PRKG1: variants seen among roughly 807,000 people sequenced by gnomAD.
The protein encoded by PRKG1 is protein kinase cGMP-dependent 1.
In PRKG1, 35 loss-of-function variants were observed where a neutral mutation model predicts 88.1. The observed-to-expected ratio is 0.40, with a 90% CI of 0.30 to 0.53. The LOEUF (loss-of-function observed/expected upper bound fraction) is 0.53. Among genes scored for constraint, PRKG1 ranks in the 20% least tolerant of loss-of-function variants. The probability of loss-of-function intolerance (pLI) is 0.59; values close to 1 mark genes in which losing one functional copy is unlikely to be tolerated. For missense variants in PRKG1, 540 were observed against 839.8 expected, an observed-to-expected ratio of 0.64 and a Z score of 4.41; for synonymous variants, 303 against 292.5, an observed-to-expected ratio of 1.04 and a Z score of -0.37.
intron 5 of PRKG1, among the ~76,000 whole-genome samples, chr10:51,924,981 A>G (rs1842542485): frequency 6.6e-6 from 1 of 150,418 alleles, no homozygotes; most frequent in Non-Finnish European, 1.5e-5. Flanking sequence ...AACTCTTAAT[A>G]TATTATTCAT....
chr10:51,586,996 T>C (rs546071278), intron 3 of PRKG1, among the ~76,000 whole-genome samples: 3 of 152,116 alleles, frequency 2.0e-5, no homozygotes, highest in South Asian at 2.1e-4. Flanking sequence ...AATACAAATA[T>C]AAGAATCACT....
chr10:51,800,056 T>A (rs1173765242), intron 3 of PRKG1, among the ~76,000 whole-genome samples: 1 of 152,148 alleles, frequency 6.6e-6, no homozygotes, highest in East Asian at 1.9e-4. Context: ...TAAATTATAT[T>A]AAGATATCTG....
chr10:51,942,307 T>C (rs1428701920), intron 5 of PRKG1, among the ~76,000 whole-genome samples: 3 of 152,180 alleles, frequency 2.0e-5, no homozygotes, highest in South Asian at 4.1e-4. Context: ...TTGTTTGTTT[T>C]TTTCTTGTAA....
At chr10:52,278,859 C>A (rs1418739181) in intron 12 of PRKG1, among the ~76,000 whole-genome samples, 6 of 148,224 alleles carry the variant, frequency 4.0e-5, no homozygotes, top group African/African-American at 1.3e-4. Flanking sequence ...ACCGAGATTG[C>A]ACCACTGCAC....
At chr10:51,665,743 T>A (rs1840406823) in intron 3 of PRKG1, among the ~76,000 whole-genome samples, 1 of 152,126 alleles carries the variant, frequency 6.6e-6, no homozygotes, top group African/African-American at 2.4e-5. Flanking sequence ...CTTCATTTTT[T>A]AAAATGTATG....
At chr10:51,735,330 T>C (rs545780690) in intron 3 of PRKG1, among the ~76,000 whole-genome samples, 60 of 152,306 alleles carry the variant, frequency 3.9e-4, no homozygotes, top group Middle Eastern at 6.8e-3. Flanking sequence ...GCTTGATGTA[T>C]GTTTTATTTA....
chr10:52,215,011 T>C (rs930595149), intron 9 of PRKG1, among the ~76,000 whole-genome samples: 1 of 148,690 alleles, frequency 6.7e-6, no homozygotes, highest in Non-Finnish European at 1.5e-5. Context: ...TGATTTTTTA[T>C]GTTAAAATAA....
intron 9 of PRKG1, among the ~76,000 whole-genome samples, chr10:52,224,262 C>A (rs756173681): frequency 3.9e-5 from 6 of 152,016 alleles, no homozygotes; most frequent in Non-Finnish European, 5.9e-5. Context: ...ATCAGACAGA[C>A]TTCTGCTCCA....
chr10:52,070,823 T>G (rs1442758692), intron 7 of PRKG1, among the ~76,000 whole-genome samples: 1 of 152,196 alleles, frequency 6.6e-6, no homozygotes, highest in Non-Finnish European at 1.5e-5. Context: ...ATAAAAGTAA[T>G]TTTAGAAGTT....
chr10:51,515,310 A>C (rs59463997), intron 3 of PRKG1, among the ~76,000 whole-genome samples: 8,235 of 152,214 alleles, frequency 0.054, 252 homozygotes, highest in Middle Eastern at 0.11. Flanking sequence ...AATAGACCTA[A>C]ATTATTCTCA....
chr10:51,943,429 A>G (rs61847484), intron 5 of PRKG1, among the ~76,000 whole-genome samples: 1 of 151,908 alleles, frequency 6.6e-6, no homozygotes, highest in South Asian at 2.1e-4. Flanking sequence ...TCTTTTCCTA[A>G]TTGAATACCT....
At chr10:52,204,716 C>T (rs771535709) in intron 9 of PRKG1, among the ~76,000 whole-genome samples, 2 of 152,036 alleles carry the variant, frequency 1.3e-5, no homozygotes, top group Non-Finnish European at 2.9e-5. Context: ...CCTTGGGACC[C>T]TGTGATGATT....
At chr10:51,644,752 C>T (rs1211316856) in intron 3 of PRKG1, among the ~76,000 whole-genome samples, 1 of 152,076 alleles carries the variant, frequency 6.6e-6, no homozygotes, top group Non-Finnish European at 1.5e-5. Flanking sequence ...TCCATTGCTA[C>T]TGGGTTGGTT....
chr10:51,941,190 C>A (rs1487535573), intron 5 of PRKG1, among the ~76,000 whole-genome samples: 1 of 151,860 alleles, frequency 6.6e-6, no homozygotes, highest in Non-Finnish European at 1.5e-5. Flanking sequence ...TCTTTTGTTC[C>A]ATGTATTTTC....
chr10:51,656,471 G>C (rs1039548436), intron 3 of PRKG1, among the ~76,000 whole-genome samples: 10 of 152,070 alleles, frequency 6.6e-5, no homozygotes, highest in Non-Finnish European at 1.5e-4. Context: ...AGCTAGGTAG[G>C]ACTAATTTAT....
At chr10:52,105,299 T>C (rs1847389435) in intron 7 of PRKG1, among the ~76,000 whole-genome samples, 1 of 152,194 alleles carries the variant, frequency 6.6e-6, no homozygotes, top group South Asian at 2.1e-4. Flanking sequence ...CTTTATGTTA[T>C]AGTTTTTAGG....
At chr10:51,689,239 A>ACTATCTATCTATCTATCTATCTAT (rs1164074395) in intron 3 of PRKG1, among the ~76,000 whole-genome samples, 4 of 150,220 alleles carry the variant, frequency 2.7e-5, no homozygotes, top group African/African-American at 4.9e-5. Flanking sequence ...AAATCTATCT[A>ACTATCTATCTATCTATCTATCTAT]CTATCTATCT....
chr10:51,123,072 G>T (rs1845303730), intron 1 of PRKG1, among the ~76,000 whole-genome samples: 5 of 152,112 alleles, frequency 3.3e-5, no homozygotes, highest in Admixed American at 3.3e-4. Context: ...TGACACTGTT[G>T]TACTGAGCTA....
In PRKG1 at chr10:51,848,251, T is replaced by G. The variant is rs757776641; in HGVS notation, c.698+43561T>G. ...ATCCCCTGATTAGTGAGACTCAAAT[T>G]GAAATTAAGATATATATGAATTTGG... On this transcript the variant is annotated intron_variant, in intron 4 of 17. Coordinates refer to ENST00000373980, the MANE Select transcript of PRKG1 (RefSeq NM_006258.4). Among the ~76,000 whole-genome samples the G allele has an allele frequency of 3.3e-5, 5 of 152,306 alleles. No individual in the cohort carries two copies. In the East Asian group the frequency reaches 9.7e-4, roughly 29 times the overall value.
Sources: gnomAD v4.1 joint callset for allele counts (sites outside exome capture counted in the v4.1 genomes callset) on GRCh38, gnomAD v4.1.1 for gene constraint, MANE v1.5 for transcripts, NCBI Gene and HGNC (gene_info 2026-07-23, HGNC 2026-07-21) for gene names.